RPRD2: variants seen among roughly 807,000 people sequenced by gnomAD.
RPRD2 encodes the protein regulation of nuclear pre-mRNA domain-containing protein 2.
In RPRD2, 12 loss-of-function variants were observed where a neutral mutation model predicts 104.4. The observed-to-expected ratio is 0.11, with a 90% CI of 0.07 to 0.19. RPRD2 has a LOEUF of 0.19. Among genes scored for constraint, RPRD2 ranks in the 10% least tolerant of loss-of-function variants. The pLI is 1.00. For synonymous variants in RPRD2, 714 were observed against 684.9 expected, an observed-to-expected ratio of 1.04 and a Z score of -0.66; for missense variants, 1,543 against 1,790.1, an observed-to-expected ratio of 0.86 and a Z score of 2.49.
intron 1 of RPRD2, among the ~76,000 whole-genome samples, chr1:150,394,614 C>T (rs1400388294): frequency 5.3e-5 from 8 of 151,714 alleles, no homozygotes; most frequent in East Asian, 2.0e-4. Context: ...TGTTTTGAGA[C>T]GAAGTCTTGC....
chr1:150,365,555 A>G (rs587609298), intron 1 of RPRD2, among the ~76,000 whole-genome samples: 2 of 152,176 alleles, frequency 1.3e-5, no homozygotes, highest in Non-Finnish European at 2.9e-5. Context: ...AGTAGTCAGT[A>G]TCATCGTTAA....
chr1:150,464,583 A>T lies in RPRD2; in HGVS notation c.1468A>T (p.Thr490Ser). 1 of 1,606,138 alleles carries T rather than the reference A, an allele frequency of 6.2e-7. No individual in the cohort carries two copies. The highest frequency in any genetic ancestry group is 8.5e-7 in the Non-Finnish European group (1 of 1,176,068). Residue 490 changes from threonine to serine, a missense_variant, in exon 10 of 11, where the codon ACC becomes TCC. Thr to Ser is a moderately conservative substitution (Grantham distance 58, BLOSUM62 1). This residue lies in a region of RPRD2 where 572 missense variants were observed against 787.3 expected (regional missense o/e 0.73). Coordinates refer to ENST00000369068, the MANE Select transcript of RPRD2 (RefSeq NM_015203.5). ...AACGCCCACCAGCCCCAGCAACCTC[A>T]CCAGTGGCCTGAAAACACCTGCACC... Reference protein sequence around the residue: ...PGTPTSPSNLTSGLKTPAPAT... With the variant: ...PGTPTSPSNLSSGLKTPAPAT...
chr1:150,398,211 T>TTTTATTTTC (rs1560168374), intron 1 of RPRD2, among the ~76,000 whole-genome samples: 1 of 51,516 alleles, frequency 1.9e-5, no homozygotes, highest in Admixed American at 1.5e-4. Flanking sequence ...ATTTTATTTT[T>TTTTATTTTC]TTTGAGACGG....
At chr1:150,437,360 G>A (rs150312650) in intron 2 of RPRD2, among the ~76,000 whole-genome samples, 3,064 of 152,200 alleles carry the variant, frequency 0.02, 130 homozygotes, top group African/African-American at 0.071. Context: ...GCTGGGTGTG[G>A]TGGTGCATGC....
At position 150,466,026 on chromosome 1, in the gene RPRD2, AAAAAAAAAT is replaced by A. The variant is rs1415468125; in HGVS notation, c.1612+1300_1612+1308del. Among the ~76,000 whole-genome samples the A allele has an allele frequency of 2.7e-3, 380 of 142,654 alleles. 2 individuals are homozygous for A. The highest frequency in any genetic ancestry group is 3.5e-3 in the Middle Eastern group (1 of 282). 93.6% of individuals were successfully genotyped at this position (142,654 alleles called of 152,430 possible). ...AGACTCAGTCCAAAAAAAAAAAAAA[AAAAAAAAAT>A]TTTTTTATGACGCTTCAAGAACATA... On this transcript the variant is annotated intron_variant, in intron 10 of 10. Coordinates refer to ENST00000369068, the MANE Select transcript of RPRD2 (RefSeq NM_015203.5).
At chr1:150,427,813 T>C (rs782226846) in intron 2 of RPRD2, among the ~76,000 whole-genome samples, 9 of 152,230 alleles carry the variant, frequency 5.9e-5, no homozygotes, top group South Asian at 2.1e-4. Context: ...ATGAACTCTT[T>C]AGTAAAGGAT....
At chr1:150,439,785 T>G (rs1255220448) in intron 2 of RPRD2, among the ~76,000 whole-genome samples, 1 of 152,202 alleles carries the variant, frequency 6.6e-6, no homozygotes, top group Non-Finnish European at 1.5e-5. Flanking sequence ...TCTCTACGGC[T>G]TCATACTTTT....
intron 10 of RPRD2, among the ~76,000 whole-genome samples, chr1:150,467,137 A>T (rs975412234): frequency 3.9e-5 from 6 of 152,210 alleles, no homozygotes; most frequent in Non-Finnish European, 7.3e-5. Context: ...GTGGTGTAAA[A>T]CAGTTTCCTA....
rs587594694 is a variant in RPRD2, at chr1:150,438,455, G to A, written c.336-2468G>A. 9.9e-5 allele frequency among the ~76,000 whole-genome samples: 15 copies of A among 151,846 alleles called. No homozygotes were observed. In the South Asian group the frequency reaches 2.9e-3, roughly 30 times the overall value. ...AGCCTAACCAACATGGTGAAACCCC[G>A]TCCCTACTAAAAAAAAATACAAAAT... On this transcript the variant is annotated intron_variant, in intron 2 of 10. Transcript: ENST00000369068.
intron 1 of RPRD2, among the ~76,000 whole-genome samples, chr1:150,395,604 C>T (rs68097764): frequency 0.22 from 33,506 of 150,704 alleles, 4,232 homozygotes; most frequent in African/African-American, 0.32. Context: ...CCACTGCCTC[C>T]GTGTTCAAGC....
intron 1 of RPRD2, among the ~76,000 whole-genome samples, chr1:150,410,804 T>C (rs1168200252): frequency 5.3e-5 from 8 of 152,130 alleles, no homozygotes; most frequent in Non-Finnish European, 8.8e-5. Flanking sequence ...AACAAAGAAA[T>C]CGATTTTCTC....
intron 1 of RPRD2, among the ~76,000 whole-genome samples, chr1:150,381,854 A>G (rs1372401530): frequency 6.6e-5 from 10 of 152,072 alleles, no homozygotes; most frequent in African/African-American, 2.2e-4. Context: ...GACATACTGT[A>G]TTGTACTGTT....
chr1:150,364,790 T>A lies in RPRD2; in HGVS notation c.76T>A (p.Ser26Thr). 1 of 1,613,396 alleles carries A rather than the reference T, an allele frequency of 6.2e-7. No individual in the cohort carries two copies. The highest frequency in any genetic ancestry group is 1.3e-5 in the African/African-American group (1 of 75,054). The change falls in exon 1 of 11, where the codon TCG (serine) becomes ACG (threonine). Residue 26 changes from serine (S) to threonine (T), a missense_variant. By Grantham distance (58) the Ser-to-Thr change is moderately conservative. Coordinates refer to ENST00000369068, the MANE Select transcript of RPRD2 (RefSeq NM_015203.5). Reference sequence around the variant, plus strand: ...CTCTTCGGCAGGGGCTCTGGAGTCCTCGTTGGATCGAAAATTCCAGTCGGT... The same window carrying A: ...CTCTTCGGCAGGGGCTCTGGAGTCCACGTTGGATCGAAAATTCCAGTCGGT... ...SASSAGALESSLDRKFQSVTN... is the reference protein window; with the variant it reads ...SASSAGALESTLDRKFQSVTN...
intron 1 of RPRD2, among the ~76,000 whole-genome samples, chr1:150,401,959 T>A (rs77622080): frequency 0.43 from 38,042 of 88,268 alleles, 5,692 homozygotes; most frequent in Non-Finnish European, 0.48. Flanking sequence ...TTTTTTTTAA[T>A]TTTTTTTTTT....
At chr1:150,449,556 T>C (rs2102381555) in intron 7 of RPRD2, among the ~76,000 whole-genome samples, 1 of 152,212 alleles carries the variant, frequency 6.6e-6, no homozygotes, top group East Asian at 1.9e-4. Context: ...TCCATCCCTC[T>C]TCCTCCCTCC....
chr1:150,401,885 C>T (rs1347661426), intron 1 of RPRD2, among the ~76,000 whole-genome samples: 5 of 151,810 alleles, frequency 3.3e-5, no homozygotes, highest in Admixed American at 1.3e-4. Context: ...CCTCGTGATC[C>T]GCCTGCCTTG....
intron 1 of RPRD2, among the ~76,000 whole-genome samples, chr1:150,383,722 A>T (rs1209642227): frequency 1.3e-5 from 2 of 152,216 alleles, no homozygotes; most frequent in African/African-American, 2.4e-5. Context: ...AAGAAGACTT[A>T]AAAAACCTGA....
At chr1:150,416,031 A>ATG (rs1164174509) in intron 1 of RPRD2, among the ~76,000 whole-genome samples, 1 of 152,218 alleles carries the variant, frequency 6.6e-6, no homozygotes, top group Non-Finnish European at 1.5e-5. Flanking sequence ...GAGGGACTGT[A>ATG]TGTAGCATTG....
chr1:150,405,109 A>G (rs1255146885), intron 1 of RPRD2, among the ~76,000 whole-genome samples: 1 of 152,116 alleles, frequency 6.6e-6, no homozygotes. Context: ...AGGATTTGGT[A>G]TGGTTTGTTA....
Sources: allele counts gnomAD v4.1 joint callset (sites outside exome capture counted in the v4.1 genomes callset), GRCh38; gene constraint gnomAD v4.1.1; regional missense constraint gnomAD v4.1.1; transcripts MANE v1.5; gene names NCBI Gene and HGNC (gene_info 2026-07-23, HGNC 2026-07-21).